Variants in WRN observed in about 807,000 individuals in gnomAD.
WRN encodes the protein WRN RecQ like helicase, also known as bifunctional 3'-5' exonuclease/ATP-dependent helicase WRN.
In WRN, 149 loss-of-function variants were observed where a neutral mutation model predicts 180.7. That is an observed-to-expected ratio of 0.82 (90% CI 0.72 to 0.94). The LOEUF is 0.94. Among genes scored for constraint, WRN ranks in the 40% least tolerant of loss-of-function variants. The pLI, the probability that WRN is intolerant of heterozygous loss-of-function variation, is 0.00. For synonymous variants in WRN, 548 were observed against 568.9 expected (o/e 0.96, Z 0.52); for missense variants, 1,661 against 1,700.1 (o/e 0.98, Z 0.40).
At chr8:31,132,292 A>G in intron 23 of WRN, 73 bp from the exon 24 acceptor site, 1 of 1,545,574 alleles carries the variant, frequency 6.5e-7, no homozygotes, top group Non-Finnish European at 8.7e-7. Flanking sequence ...GCTAATTGTT[A>G]TGCTAAATCT....
chr8:31,165,913 A>T (rs1803838456), intron 33 of WRN, among the ~76,000 whole-genome samples: 1 of 152,118 alleles, frequency 6.6e-6, no homozygotes, highest in Non-Finnish European at 1.5e-5. Context: ...GAGAGATGTG[A>T]TCATCACGTT....
chr8:31,050,509 CTTT>C (rs60531883), intron 1 of WRN, among the ~76,000 whole-genome samples: 15 of 133,108 alleles, frequency 1.1e-4, no homozygotes, highest in Admixed American at 1.5e-4. Flanking sequence ...GTTTTGGATA[CTTT>C]TTTTTTTTTT....
At chr8:31,052,334 A>G (rs773568630) in intron 1 of WRN, among the ~76,000 whole-genome samples, 1 of 152,118 alleles carries the variant, frequency 6.6e-6, no homozygotes, top group Non-Finnish European at 1.5e-5. Flanking sequence ...ATGTTTTGGT[A>G]TACATTGCTC....
chr8:31,174,756 CTCTTCT>C lies in WRN; in HGVS notation c.*1659_*1664del, dbSNP rs768531784. Among the ~76,000 whole-genome samples the C allele has an allele frequency of 6.8e-6, 1 of 146,770 alleles. No individual in the cohort carries two copies. Among genetic ancestry groups the C allele is most frequent in the Non-Finnish European group, 1.5e-5 (1 of 66,540 alleles). On this transcript the variant is annotated 3_prime_UTR_variant, in exon 35 of 35. Transcript: ENST00000298139. ...CTCCTCCTCCTTCTTCTTCCTCTTCCTCTTCTTCTTTCTCTCTTTCCTTCCTTCCCT... is the reference window on the plus strand; with the variant it reads ...CTCCTCCTCCTTCTTCTTCCTCTTCCTCTTTCTCTCTTTCCTTCCTTCCCT...
chr8:31,162,301 A>AT (rs569323999), intron 33 of WRN, among the ~76,000 whole-genome samples: 9 of 151,730 alleles, frequency 5.9e-5, no homozygotes, highest in South Asian at 2.1e-4. Flanking sequence ...TACTTTTTAC[A>AT]TTTTTTTTGT....
intron 1 of WRN, among the ~76,000 whole-genome samples, chr8:31,044,020 T>C (rs1811753342): frequency 6.6e-6 from 1 of 152,186 alleles, no homozygotes; most frequent in African/African-American, 2.4e-5. Flanking sequence ...TGCATTTATA[T>C]ATACATAGAA....
chr8:31,101,001 G>A, intron 18 of WRN, 46 bp downstream of exon 18: 1 of 1,514,574 alleles, frequency 6.6e-7, no homozygotes, highest in Non-Finnish European at 9.2e-7. Context: ...TTCTTAATAA[G>A]GAGAGCATTC....
intron 1 of WRN, among the ~76,000 whole-genome samples, chr8:31,038,148 A>G (rs1380526751): frequency 1.3e-5 from 2 of 152,074 alleles, no homozygotes; most frequent in African/African-American, 2.4e-5. Flanking sequence ...GTAAGCTTTT[A>G]GTTTAGCTTT....
At chr8:31,114,460 T>C (rs1801434804) in intron 19 of WRN, among the ~76,000 whole-genome samples, 1 of 152,200 alleles carries the variant, frequency 6.6e-6, no homozygotes. Flanking sequence ...GTAATAGGAA[T>C]TTTTACTCTT....
chr8:31,093,711 C>T (rs1294070582), intron 16 of WRN, among the ~76,000 whole-genome samples: 5 of 152,158 alleles, frequency 3.3e-5, no homozygotes, highest in African/African-American at 9.7e-5. Flanking sequence ...ACCATCATCA[C>T]AATCCAGATA....
intron 7 of WRN, among the ~76,000 whole-genome samples, chr8:31,073,529 CAATATTTGGGATCAATT>C (rs1812987310): frequency 7.7e-6 from 1 of 129,608 alleles, no homozygotes; most frequent in South Asian, 2.5e-4. Flanking sequence ...CAAGAGATAT[CAATATTTGGGATCAATT>C]TGGGAAATAT....
At chr8:31,157,617 A>C in intron 33 of WRN, 87 bp downstream of exon 33, 1 of 1,517,642 alleles carries the variant, frequency 6.6e-7, no homozygotes, top group South Asian at 1.2e-5. Flanking sequence ...TAACAGCATT[A>C]ATCCTTTATG....
At chr8:31,131,209 G>T (rs1016166680) in intron 23 of WRN, among the ~76,000 whole-genome samples, 1 of 132,070 alleles carries the variant, frequency 7.6e-6, no homozygotes, top group Non-Finnish European at 1.6e-5. Flanking sequence ...CTGGAGTGTA[G>T]TGGTGGCCCA....
intron 17 of WRN, among the ~76,000 whole-genome samples, chr8:31,098,033 T>C (rs375938155): frequency 2.0e-5 from 3 of 152,306 alleles, no homozygotes; most frequent in East Asian, 3.9e-4. Flanking sequence ...TTTCCAACAA[T>C]GTAATGAAAA....
Position 31,159,990 on chromosome 8 carries a change from T to C in WRN, c.3982+2460T>C, listed in dbSNP as rs1291346095. Among the ~76,000 whole-genome samples the C allele has an allele frequency of 3.0e-5, 4 of 132,454 alleles. 1 individual carries two copies. The highest frequency in any genetic ancestry group is 1.1e-4 in the African/African-American group (4 of 37,670). 86.9% of individuals were successfully genotyped at this position (132,454 alleles called of 152,430 possible). ...ACCTTGTACCCTGACAAGTTTTAGTTTGTGCAGGAATGCTAGAATGACTCA... is the reference window on the plus strand; with the variant it reads ...ACCTTGTACCCTGACAAGTTTTAGTCTGTGCAGGAATGCTAGAATGACTCA... On this transcript the variant is annotated intron_variant, in intron 33 of 34. Coordinates refer to ENST00000298139, the MANE Select transcript of WRN (RefSeq NM_000553.6).
intron 22 of WRN, 98 bp from the exon 23 acceptor site, chr8:31,124,810 G>T: frequency 7.7e-7 from 1 of 1,303,364 alleles, no homozygotes; most frequent in South Asian, 1.3e-5. Flanking sequence ...AGTCCCAAGT[G>T]AATCAATTAA....
chr8:31,149,634 C>T (rs1353461553), intron 30 of WRN, among the ~76,000 whole-genome samples: 1 of 151,200 alleles, frequency 6.6e-6, no homozygotes, highest in East Asian at 2.0e-4. Context: ...GCTGCCACCC[C>T]CGGCTAATTT....
rs1554532747 is a variant in WRN at position 31,141,664 on chromosome 8, C to A, written c.3139-17C>A. On this transcript the variant is annotated splice_polypyrimidine_tract_variant and intron_variant, in intron 25 of 34. Transcript: ENST00000298139. ...GTTTCCCACTCCACATTAAAAGATC[C>A]TTTTTGCTTTTAATAGGGTAGAAAT... 26 of 1,613,804 alleles carry A rather than the reference C, an allele frequency of 1.6e-5. 1 individual carries two copies. In the South Asian group the frequency reaches 2.6e-4, roughly 16 times the overall value.
intron 24 of WRN, among the ~76,000 whole-genome samples, chr8:31,135,043 G>A (rs1203028283): frequency 1.3e-5 from 2 of 151,562 alleles, no homozygotes; most frequent in East Asian, 3.9e-4. Context: ...AAGTTAAAGT[G>A]TTTTTAACAA....
Sources: gnomAD v4.1 joint callset for allele counts (sites outside exome capture counted in the v4.1 genomes callset) on GRCh38, gnomAD v4.1.1 for gene constraint, MANE v1.5 for transcripts, NCBI Gene and HGNC (gene_info 2026-07-23, HGNC 2026-07-21) for gene names.